The following PTPRD variants were observed in gnomAD, a reference collection of about 807,000 sequenced individuals.
PTPRD encodes receptor-type tyrosine-protein phosphatase delta.
PTPRD carries 34 observed loss-of-function variants against 214.5 expected under a neutral mutation model. The observed-to-expected ratio is 0.16, with a 90% CI of 0.12 to 0.21. The LOEUF is 0.21. Among genes scored for constraint, PTPRD ranks in the 10% least tolerant of loss-of-function variants. The pLI is 1.00. For synonymous variants in PTPRD, 1,128 were observed against 845.7 expected (o/e 1.33, Z -5.79); for missense variants, 2,545 against 2,398.7 (o/e 1.06, Z -1.27).
intron 14 of PTPRD, among the ~76,000 whole-genome samples, chr9:8,619,207 A>G (rs1012396680): frequency 6.6e-6 from 1 of 152,018 alleles, no homozygotes; most frequent in Non-Finnish European, 1.5e-5. Flanking sequence ...TGTGTTTGAG[A>G]ATACTTTGTA....
At position 10,274,752 on chromosome 9, in the gene PTPRD, A is replaced by G. The variant is rs563041815; in HGVS notation, c.-545+66211T>C. Reference sequence around the variant, plus strand: ...AAGCTATTCCATTTAAATATTTTAAAATAACTTAGAAGCTACATTTACATT... The same window carrying G: ...AAGCTATTCCATTTAAATATTTTAAGATAACTTAGAAGCTACATTTACATT... On this transcript the variant is annotated intron_variant, in intron 3 of 45. Coordinates refer to ENST00000381196, the MANE Select transcript of PTPRD (RefSeq NM_002839.4). Among the ~76,000 whole-genome samples the G allele has an allele frequency of 5.9e-5, 9 of 152,260 alleles. No homozygotes were observed. In the East Asian group the frequency reaches 1.7e-3, roughly 29 times the overall value.
At chr9:10,460,695 C>T (rs970299114) in intron 2 of PTPRD, among the ~76,000 whole-genome samples, 2 of 152,004 alleles carry the variant, frequency 1.3e-5, no homozygotes, top group African/African-American at 4.8e-5. Context: ...ATATCCGAGA[C>T]AATGAAATGG....
intron 2 of PTPRD, among the ~76,000 whole-genome samples, chr9:10,412,123 T>G (rs1391786927): frequency 1.3e-5 from 2 of 151,756 alleles, no homozygotes; most frequent in Non-Finnish European, 2.9e-5. Flanking sequence ...AGGGAAGATT[T>G]GAAGCCAAAT....
At chr9:10,231,377 G>C (rs192365929) in intron 3 of PTPRD, among the ~76,000 whole-genome samples, 1 of 151,928 alleles carries the variant, frequency 6.6e-6, no homozygotes, top group Admixed American at 6.6e-5. Context: ...GATAATATAG[G>C]TCACTTAAGT....
chr9:9,604,344 A>T (rs568373693), intron 7 of PTPRD, among the ~76,000 whole-genome samples: 1 of 152,270 alleles, frequency 6.6e-6, no homozygotes, highest in East Asian at 1.9e-4. Context: ...ATTAATATTC[A>T]ACTTAAGCAA....
intron 3 of PTPRD, among the ~76,000 whole-genome samples, chr9:10,131,910 G>A (rs943227164): frequency 2.0e-5 from 3 of 152,062 alleles, no homozygotes; most frequent in African/African-American, 4.8e-5. Context: ...CAAAAAATAT[G>A]CTCAAACAAT....
At chr9:10,135,858 A>G (rs927798957) in intron 3 of PTPRD, among the ~76,000 whole-genome samples, 1 of 151,946 alleles carries the variant, frequency 6.6e-6, no homozygotes, top group Non-Finnish European at 1.5e-5. Context: ...CCACAATGAC[A>G]GGATCAAAAC....
At chr9:8,346,205 C>T (rs1321725154) in intron 39 of PTPRD, among the ~76,000 whole-genome samples, 1 of 151,792 alleles carries the variant, frequency 6.6e-6, no homozygotes, top group Non-Finnish European at 1.5e-5. Flanking sequence ...GTTATGTATT[C>T]AAACTCCACG....
At chr9:9,287,414 T>C (rs1017451565) in intron 9 of PTPRD, among the ~76,000 whole-genome samples, 6 of 152,066 alleles carry the variant, frequency 3.9e-5, no homozygotes, top group African/African-American at 1.4e-4. Flanking sequence ...AAATTATATG[T>C]CTCAAGTTTG....
chr9:8,504,087 T>A (rs1163348106), intron 23 of PTPRD, among the ~76,000 whole-genome samples, 174 bp downstream of exon 23: 1 of 152,172 alleles, frequency 6.6e-6, no homozygotes, highest in Non-Finnish European at 1.5e-5. Context: ...TTGGATCAAG[T>A]GATGAGACCA....
At chr9:8,506,199 T>A (rs910003104) in intron 22 of PTPRD, among the ~76,000 whole-genome samples, 4 of 152,192 alleles carry the variant, frequency 2.6e-5, no homozygotes, top group Admixed American at 6.5e-5. Flanking sequence ...GTGAGTTTTT[T>A]AAAAGATATT....
At chr9:9,706,253 A>AT (rs1333857818) in intron 7 of PTPRD, among the ~76,000 whole-genome samples, 1 of 152,140 alleles carries the variant, frequency 6.6e-6, no homozygotes, top group African/African-American at 2.4e-5. Flanking sequence ...AGTATTATGT[A>AT]TTTTACATTA....
At chr9:10,416,685 T>C (rs975081997) in intron 2 of PTPRD, among the ~76,000 whole-genome samples, 2 of 151,826 alleles carry the variant, frequency 1.3e-5, no homozygotes, top group Non-Finnish European at 2.9e-5. Flanking sequence ...GTAAGAAATA[T>C]CACATATCAC....
intron 2 of PTPRD, among the ~76,000 whole-genome samples, chr9:10,524,103 ACT>A (rs2053480842): frequency 6.6e-6 from 1 of 151,776 alleles, no homozygotes; most frequent in African/African-American, 2.4e-5. Context: ...GATTTCCCAC[ACT>A]CTCTCTTTCT....
intron 11 of PTPRD, among the ~76,000 whole-genome samples, chr9:8,945,548 G>A (rs1183533012): frequency 6.6e-6 from 1 of 151,898 alleles, no homozygotes; most frequent in Non-Finnish European, 1.5e-5. Flanking sequence ...TACTCCTACA[G>A]AGTATCTTTA....
intron 12 of PTPRD, chr9:8,713,750 A>C: frequency 6.6e-7 from 1 of 1,518,184 alleles, no homozygotes; most frequent in Non-Finnish European, 9.0e-7. Flanking sequence ...CAGTTCCACG[A>C]CTGCAAGATC....
intron 14 of PTPRD, 151 bp downstream of exon 14, chr9:8,633,166 T>G: frequency 1.1e-6 from 1 of 928,380 alleles, no homozygotes; most frequent in Non-Finnish European, 1.6e-6. Flanking sequence ...AGAGAAGGTA[T>G]CCACTGTCTA....
intron 4 of PTPRD, among the ~76,000 whole-genome samples, chr9:9,944,272 G>C (rs1303958585): frequency 6.6e-6 from 1 of 152,072 alleles, no homozygotes; most frequent in East Asian, 1.9e-4. Flanking sequence ...ATAACAATCT[G>C]TCTCAGTCCA....
chr9:10,527,290 G>C (rs540376446), intron 2 of PTPRD, among the ~76,000 whole-genome samples: 1 of 152,172 alleles, frequency 6.6e-6, no homozygotes, highest in African/African-American at 2.4e-5. Context: ...GTTTACCACC[G>C]ATGCAGTAAA....
Sources: allele counts gnomAD v4.1 joint callset (sites outside exome capture counted in the v4.1 genomes callset), GRCh38; gene constraint gnomAD v4.1.1; transcripts MANE v1.5; gene names NCBI Gene and HGNC (gene_info 2026-07-23, HGNC 2026-07-21).